The following COPS5 variants were observed in gnomAD, a reference collection of about 807,000 sequenced individuals.
COPS5 encodes the protein COP9 signalosome complex subunit 5.
Under a neutral mutation model 44.4 loss-of-function variants are expected in COPS5, and 8 were observed. The ratio of observed to expected loss-of-function variants is 0.18; its 90% CI spans 0.11 to 0.32. The LOEUF is 0.32. COPS5 is among the 10% of genes least tolerant of loss of function. COPS5 has a pLI of 1.00. For synonymous variants in COPS5, 122 were observed against 142.8 expected, an observed-to-expected ratio of 0.85 and a Z score of 1.04; for missense variants, 159 against 406.4, an observed-to-expected ratio of 0.39 and a Z score of 5.23.
At chr8:67,046,903 T>G (rs540986196) in intron 6 of COPS5, among the ~76,000 whole-genome samples, 47 of 151,106 alleles carry the variant, frequency 3.1e-4, no homozygotes, top group Non-Finnish European at 4.4e-5. Flanking sequence ...TTGGAAAATG[T>G]AGAGCAATAT....
At chr8:67,057,353 C>G (rs1804528603) in intron 4 of COPS5, 27 bp downstream of exon 4, 1 of 1,520,632 alleles carries the variant, frequency 6.6e-7, no homozygotes, top group Non-Finnish European at 9.1e-7. Context: ...CAGTGAGACT[C>G]TAACTCTTAA....
chr8:67,062,090 G>A lies in COPS5; in HGVS notation c.-94C>T, dbSNP rs1203499510. ...TGTGGGCCTTGACCCTCCGCACCACGGGAACAAACTCTTACCTAGACTCTT... is the reference window on the plus strand; with the variant it reads ...TGTGGGCCTTGACCCTCCGCACCACAGGAACAAACTCTTACCTAGACTCTT... On this transcript the variant is annotated 5_prime_UTR_variant, in exon 1 of 8. Transcript: ENST00000357849. The A allele has an allele frequency of 2.5e-6, 4 of 1,588,770 alleles. No individual in the cohort carries two copies. The South Asian group carries it at 3.4e-5, about 13-fold the overall frequency.
chr8:67,056,243 T>G (rs1370137822), intron 5 of COPS5, among the ~76,000 whole-genome samples: 1 of 152,208 alleles, frequency 6.6e-6, no homozygotes, highest in Non-Finnish European at 1.5e-5. Context: ...AAATGCATTT[T>G]GTCTATGCCT....
At chr8:67,054,829 T>C (rs75941850) in intron 5 of COPS5, among the ~76,000 whole-genome samples, 1,789 of 152,318 alleles carry the variant, frequency 0.012, 19 homozygotes, top group Admixed American at 0.018. Flanking sequence ...TGGCATGCCC[T>C]GTTTTAAATC....
chr8:67,058,301 A>G, intron 2 of COPS5, 90 bp from the exon 3 acceptor site: 2 of 1,302,100 alleles, frequency 1.5e-6, no homozygotes, highest in Non-Finnish European at 2.1e-6. Context: ...TCTCCTTCCC[A>G]TCTCCTTCTC....
At chr8:67,053,386 G>A (rs907772241) in intron 5 of COPS5, among the ~76,000 whole-genome samples, 27 of 151,778 alleles carry the variant, frequency 1.8e-4, no homozygotes, top group African/African-American at 6.0e-4. Flanking sequence ...AGTTTAGCGT[G>A]AGGAAATAAA....
At chr8:67,050,830 C>A (rs758317963) in intron 6 of COPS5, among the ~76,000 whole-genome samples, 4 of 151,832 alleles carry the variant, frequency 2.6e-5, no homozygotes, top group Non-Finnish European at 2.9e-5. Context: ...CTGAGTTAAG[C>A]CCTATTCCTC....
chr8:67,057,491 C>G (rs566514545), intron 3 of COPS5, 46 bp from the exon 4 acceptor site: 1 of 1,307,748 alleles, frequency 7.6e-7, no homozygotes, highest in East Asian at 2.3e-5. Context: ...AAACTGTATG[C>G]CTTTTATTTA....
chr8:67,058,133 T>C lies in COPS5; in HGVS notation c.457A>G (p.Ser153Gly). The change falls in exon 3 of 8, where the codon AGT (serine) becomes GGT (glycine). Residue 153 changes from serine (S) to glycine (G), a missense_variant. Ser to Gly is a moderately conservative substitution (Grantham distance 56). This residue lies in a region of COPS5 where 134 missense variants were observed against 376.7 expected (regional missense o/e 0.36). Transcript: ENST00000357849. The stretch of plus-strand genomic sequence containing the variant: ...AACTGCTGATTGAGCATCTGAGTAC[T>C]AACATCAATCCCAGAAAGCCAGCAG... ...YGCWLSGIDV[S>G]TQMLNQQFQE... 1 of 1,614,060 alleles carries C rather than the reference T, an allele frequency of 6.2e-7. No individual in the cohort carries two copies. Among genetic ancestry groups the C allele is most frequent in the East Asian group, 2.2e-5 (1 of 44,878 alleles).
At chr8:67,056,665 AT>A in intron 4 of COPS5, 61 bp from the exon 5 acceptor site, 1 of 14,744 alleles carries the variant, frequency 6.8e-5, no homozygotes, top group Non-Finnish European at 1.4e-4. Context: ...ATATATATAT[AT>A]ATATATATAT....
Position 67,058,198 on chromosome 8 carries a change from T to C in COPS5, c.392A>G (p.Glu131Gly). 6.2e-7 allele frequency: 1 copy of C among 1,613,554 alleles called. No individual in the cohort carries two copies. The highest frequency in any genetic ancestry group is 8.5e-7 in the Non-Finnish European group (1 of 1,179,600). The change falls in exon 3 of 8, where the codon GAA becomes GGA. Residue 131 changes from glutamate to glycine, a missense_variant. Physicochemically the swap from Glu to Gly is moderately conservative, Grantham distance 98. Transcript: ENST00000357849. ...GCTATGATACCACCCGATTGCATTT[T>C]CAAGGCGGCCAACCTAACAAATGAA... ...IENAKQVGRLENAIGWYHSHP... is the reference protein window; with the variant it reads ...IENAKQVGRLGNAIGWYHSHP...
At chr8:67,051,959 G>C (rs1461689510) in intron 5 of COPS5, among the ~76,000 whole-genome samples, 2 of 152,082 alleles carry the variant, frequency 1.3e-5, no homozygotes, top group Non-Finnish European at 2.9e-5. Context: ...ATGCTTCTGT[G>C]TATCAGTGGA....
intron 7 of COPS5, chr8:67,045,453 CAAA>C: frequency 6.7e-6 from 1 of 149,734 alleles, no homozygotes; most frequent in East Asian, 1.9e-4. Context: ...GATTCTGTCT[CAAA>C]AAAAAAAAGA....
chr8:67,049,597 TA>T (rs1237221145), intron 6 of COPS5, among the ~76,000 whole-genome samples: 1 of 152,230 alleles, frequency 6.6e-6, no homozygotes, highest in Non-Finnish European at 1.5e-5. Flanking sequence ...ACTTTCACAT[TA>T]ACTGGTTGAA....
intron 1 of COPS5, 83 bp downstream of exon 1, chr8:67,061,771 C>A: frequency 7.2e-7 from 1 of 1,392,170 alleles, no homozygotes. Flanking sequence ...AAGCTCTTCA[C>A]CCCTTTCACC....
chr8:67,057,357 C>T (rs1051493426), intron 4 of COPS5, 23 bp downstream of exon 4: 9 of 1,538,550 alleles, frequency 5.8e-6, no homozygotes, highest in Middle Eastern at 1.7e-4. Context: ...GAGACTCTAA[C>T]TCTTAAAAAA....
At chr8:67,054,415 T>A (rs1240066594) in intron 5 of COPS5, among the ~76,000 whole-genome samples, 1 of 152,190 alleles carries the variant, frequency 6.6e-6, no homozygotes, top group Non-Finnish European at 1.5e-5. Context: ...CAAACAGGAA[T>A]CATTTAAATT....
intron 6 of COPS5, among the ~76,000 whole-genome samples, chr8:67,046,364 C>T (rs1353037703): frequency 6.6e-6 from 1 of 152,090 alleles, no homozygotes; most frequent in African/African-American, 2.4e-5. Flanking sequence ...ATAATTCCTA[C>T]CTTAGAGCTA....
chr8:67,054,854 T>G (rs1423083487), intron 5 of COPS5, among the ~76,000 whole-genome samples: 2 of 152,170 alleles, frequency 1.3e-5, no homozygotes, highest in South Asian at 2.1e-4. Context: ...GATACAGCAG[T>G]AAATTTGTGT....
Sources: allele counts gnomAD v4.1 joint callset (sites outside exome capture counted in the v4.1 genomes callset), GRCh38; gene constraint gnomAD v4.1.1; regional missense constraint gnomAD v4.1.1; transcripts MANE v1.5; gene names NCBI Gene and HGNC (gene_info 2026-07-23, HGNC 2026-07-21).